The following ST6GALNAC5 variants were observed in gnomAD, a reference collection of about 807,000 sequenced individuals.
ST6GALNAC5 encodes the protein alpha-N-acetylgalactosaminide alpha-2,6-sialyltransferase 5.
A neutral mutation model predicts 33.6 loss-of-function variants in ST6GALNAC5; 27 were observed. That is an observed-to-expected ratio of 0.80 (90% CI 0.59 to 1.11). The LOEUF is 1.11. ST6GALNAC5 is among the 50% of genes least tolerant of loss of function. The pLI, the probability that ST6GALNAC5 is intolerant of heterozygous loss-of-function variation, is 0.00. For missense variants in ST6GALNAC5, 428 were observed against 454.0 expected (o/e 0.94, Z 0.52); for synonymous variants, 194 against 171.2 (o/e 1.13, Z -1.04).
At chr1:77,003,546 G>T (rs1371892672) in intron 2 of ST6GALNAC5, among the ~76,000 whole-genome samples, 1 of 151,124 alleles carries the variant, frequency 6.6e-6, no homozygotes, top group East Asian at 2.0e-4. Context: ...GATGTTAGCT[G>T]GTTCTTTTGC....
At chr1:76,989,279 T>C (rs1255791090) in intron 2 of ST6GALNAC5, among the ~76,000 whole-genome samples, 2 of 151,988 alleles carry the variant, frequency 1.3e-5, no homozygotes, top group African/African-American at 4.8e-5. Flanking sequence ...TCCTTAATTC[T>C]TCTATTTTTT....
chr1:77,026,161 C>T (rs1293133349), intron 2 of ST6GALNAC5, among the ~76,000 whole-genome samples: 3 of 152,076 alleles, frequency 2.0e-5, no homozygotes, highest in Non-Finnish European at 2.9e-5. Context: ...AAAGGTCATG[C>T]ATGCTATCTT....
At chr1:76,969,044 G>A (rs1648623275) in intron 2 of ST6GALNAC5, among the ~76,000 whole-genome samples, 1 of 152,070 alleles carries the variant, frequency 6.6e-6, no homozygotes, top group South Asian at 2.1e-4. Context: ...TGGAGAATCT[G>A]ATTCCCTTCC....
intron 2 of ST6GALNAC5, among the ~76,000 whole-genome samples, chr1:76,933,826 G>A (rs1647169497): frequency 7.1e-6 from 1 of 140,476 alleles, no homozygotes; most frequent in African/African-American, 2.7e-5. Context: ...GAGCCTCATA[G>A]ATGAGGAAAA....
chr1:77,052,715 T>C (rs1652263837), intron 4 of ST6GALNAC5, among the ~76,000 whole-genome samples: 1 of 151,670 alleles, frequency 6.6e-6, no homozygotes, highest in African/African-American at 2.4e-5. Flanking sequence ...GCTCAGGAGT[T>C]CAAGACCAGC....
chr1:76,922,792 T>G (rs1229965538), intron 2 of ST6GALNAC5, among the ~76,000 whole-genome samples: 1 of 151,662 alleles, frequency 6.6e-6, no homozygotes, highest in African/African-American at 2.4e-5. Flanking sequence ...AAAAATGAGC[T>G]GGGTATGGTG....
rs968442640 is a variant in ST6GALNAC5, at chr1:76,868,738, A to G, written c.257A>G (p.His86Arg). 2 of 1,501,990 alleles carry G rather than the reference A, an allele frequency of 1.3e-6. No individual in the cohort carries two copies. The highest frequency in any genetic ancestry group is 4.6e-5 in the Admixed American group (2 of 43,036). The allele number at this position is 1,501,990 out of a possible 1,614,324, so 93.0% of individuals were successfully genotyped here. A position where few individuals can be genotyped will look rare whatever the true frequency, so the allele number is the denominator to read the frequency against. ...PLDGYLGVAD[H>R]KPLKMHCRDC... ...GACGGATACCTCGGAGTGGCGGACC[A>G]CAAGGTGACAGCATGCCCGCCAGCC... Residue 86 changes from histidine (H) to arginine (R), a missense_variant, in exon 2 of 5, where the codon CAC (histidine) becomes CGC (arginine). Coordinates refer to ENST00000477717, the MANE Select transcript of ST6GALNAC5 (RefSeq NM_030965.3). The surrounding 1 kb of genome is among the most constrained non-coding windows in gnomAD (Gnocchi z 4.3).
chr1:76,987,401 A>C (rs1649552632), intron 2 of ST6GALNAC5, among the ~76,000 whole-genome samples: 1 of 152,154 alleles, frequency 6.6e-6, no homozygotes, highest in Admixed American at 6.6e-5. Flanking sequence ...ATCATTTGAC[A>C]CCAGTTAGGT....
At chr1:76,905,970 C>A (rs1432765627) in intron 2 of ST6GALNAC5, among the ~76,000 whole-genome samples, 2 of 152,132 alleles carry the variant, frequency 1.3e-5, no homozygotes, top group Non-Finnish European at 2.9e-5. Flanking sequence ...TTGCTGAATT[C>A]CCTGCTCCAG....
At chr1:76,919,857 G>A (rs1647013322) in intron 2 of ST6GALNAC5, among the ~76,000 whole-genome samples, 1 of 152,108 alleles carries the variant, frequency 6.6e-6, no homozygotes, top group African/African-American at 2.4e-5. Context: ...GAGAACTGTA[G>A]TATCACTACA....
At chr1:77,047,008 G>A (rs1652035936) in intron 3 of ST6GALNAC5, among the ~76,000 whole-genome samples, 2 of 152,206 alleles carry the variant, frequency 1.3e-5, no homozygotes, top group South Asian at 4.1e-4. Flanking sequence ...TGGCCAATGA[G>A]AAGCTTTTTC....
intron 2 of ST6GALNAC5, among the ~76,000 whole-genome samples, chr1:76,901,370 TTG>T (rs1646816011): frequency 6.6e-6 from 1 of 152,198 alleles, no homozygotes; most frequent in Non-Finnish European, 1.5e-5. Context: ...AGCACTGAGA[TTG>T]TCTCCAGCCC....
intron 2 of ST6GALNAC5, among the ~76,000 whole-genome samples, chr1:76,878,938 A>G (rs556120536): frequency 3.4e-4 from 52 of 152,148 alleles, no homozygotes; most frequent in Middle Eastern, 6.8e-3. Context: ...CTTGCCTTTG[A>G]CAGTTGAGTG....
intron 2 of ST6GALNAC5, among the ~76,000 whole-genome samples, chr1:76,898,480 T>C (rs1211630712): frequency 6.6e-6 from 1 of 152,158 alleles, no homozygotes; most frequent in Non-Finnish European, 1.5e-5. Context: ...TTATTTAATG[T>C]CAGGAGCAGA....
Position 77,044,401 on chromosome 1 carries a change from C to T in ST6GALNAC5, c.459C>T (p.Leu153=), listed in dbSNP as rs536923091. 1 of 1,613,122 alleles carries T rather than the reference C, an allele frequency of 6.2e-7. No individual in the cohort carries two copies. The highest frequency in any genetic ancestry group is 1.7e-5 in the Admixed American group (1 of 60,008). Residue 153 remains leucine (L), a synonymous_variant, in exon 3 of 5, where the codon CTC becomes CTT. Transcript: ENST00000477717. ...CGCATTCCAGCATCCAGAGGATCCT[C>T]CGCAACCGCCATGACCTGCTCAACG... ...VIAHSSIQRI[L]RNRHDLLNVS...
chr1:76,984,297 A>G (rs1178585932), intron 2 of ST6GALNAC5, among the ~76,000 whole-genome samples: 3 of 152,116 alleles, frequency 2.0e-5, no homozygotes, highest in African/African-American at 4.8e-5. Context: ...AGAGAAGAAG[A>G]CTCAAATAGA....
intron 2 of ST6GALNAC5, among the ~76,000 whole-genome samples, chr1:76,976,552 GT>G (rs1313196076): frequency 1.3e-5 from 2 of 152,108 alleles, no homozygotes; most frequent in East Asian, 3.9e-4. Flanking sequence ...TGAGCTTGTT[GT>G]TTTTCTTGTT....
At chr1:76,967,361 C>G (rs189961909) in intron 2 of ST6GALNAC5, among the ~76,000 whole-genome samples, 146 of 152,250 alleles carry the variant, frequency 9.6e-4, no homozygotes, top group Non-Finnish European at 1.7e-3. Flanking sequence ...TCCATTTCTT[C>G]TATATTTTCT....
intron 2 of ST6GALNAC5, among the ~76,000 whole-genome samples, chr1:76,937,895 T>C (rs938090024): frequency 5.9e-5 from 9 of 152,044 alleles, no homozygotes; most frequent in Non-Finnish European, 1.3e-4. Context: ...TCCACCACAC[T>C]CTATTGTCTT....
Sources: gnomAD v4.1 joint callset for allele counts (sites outside exome capture counted in the v4.1 genomes callset) on GRCh38, gnomAD v4.1.1 for gene constraint, Gnocchi (gnomAD v3.1) non-coding constraint, MANE v1.5 for transcripts, NCBI Gene and HGNC (gene_info 2026-07-23, HGNC 2026-07-21) for gene names.